NTAN1: variants seen among roughly 807,000 people sequenced by gnomAD.
NTAN1 encodes N-terminal asparagine amidase, also known as protein N-terminal asparagine amidohydrolase.
A neutral mutation model predicts 41.9 loss-of-function variants in NTAN1; 32 were observed. That is an observed-to-expected ratio of 0.76 (90% CI 0.58 to 1.03). The LOEUF is 1.03. Among genes scored for constraint, NTAN1 ranks in the 50% least tolerant of loss-of-function variants. NTAN1 has a pLI of 0.00. For missense variants in NTAN1, 377 were observed against 377.5 expected, an observed-to-expected ratio of 1.00 and a Z score of 0.01; for synonymous variants, 140 against 139.5, an observed-to-expected ratio of 1.00 and a Z score of -0.03.
chr16:15,053,698 G>A (rs997311384), intron 1 of NTAN1, among the ~76,000 whole-genome samples: 2 of 152,038 alleles, frequency 1.3e-5, no homozygotes, highest in African/African-American at 4.8e-5. Context: ...ATCACTTGAG[G>A]TCAGGAGTTC....
In NTAN1 at chr16:15,037,990, T is replaced by C. The variant is rs751960085; in HGVS notation, c.*41A>G. The C allele has an allele frequency of 2.7e-6, 4 of 1,507,274 alleles. No homozygotes were observed. The highest frequency in any genetic ancestry group is 3.7e-6 in the Non-Finnish European group (4 of 1,092,734). 93.4% of individuals were successfully genotyped at this position (1,507,274 alleles called of 1,614,324 possible). A position where few individuals can be genotyped will look rare whatever the true frequency, so the allele number is the denominator to read the frequency against. On this transcript the variant is annotated 3_prime_UTR_variant, in exon 10 of 10. Transcript: ENST00000287706. ...ATTCGTGCCAGCCCCACCAATGGTCTGTCAGGCCAAGAAGGTGCTTTCTTT... is the reference window on the plus strand; with the variant it reads ...ATTCGTGCCAGCCCCACCAATGGTCCGTCAGGCCAAGAAGGTGCTTTCTTT...
chr16:15,044,340 G>T lies in NTAN1; in HGVS notation c.427C>A (p.Leu143Ile). ...RQLSQKLTHQ[L>I]LSEFDRQEDD... The stretch of plus-strand genomic sequence containing the variant: ...AAAAAAAAAATGAACTTACTAAGAA[G>T]TTGATGAGTGAGTTTTTGTGACAAC... The change falls in exon 5 of 10, where the codon CTT (leucine) becomes ATT (isoleucine). Residue 143 changes from leucine (L) to isoleucine (I), a missense_variant. Leu to Ile is a conservative substitution (Grantham distance 5, BLOSUM62 2). Transcript: ENST00000287706. 1.2e-6 allele frequency: 2 copies of T among 1,604,678 alleles called. No individual in the cohort carries two copies. Among genetic ancestry groups the T allele is most frequent in the Non-Finnish European group, 1.7e-6 (2 of 1,171,612 alleles).
intron 4 of NTAN1, among the ~76,000 whole-genome samples, chr16:15,046,924 G>A (rs562178620): frequency 2.8e-4 from 42 of 151,956 alleles, no homozygotes; most frequent in African/African-American, 9.7e-4. Flanking sequence ...GCCCCCTAGC[G>A]GTCCCCACAT....
At chr16:15,051,478 TG>T (rs1283372846) in intron 1 of NTAN1, among the ~76,000 whole-genome samples, 2 of 149,982 alleles carry the variant, frequency 1.3e-5, no homozygotes. Context: ...CCCAAGGAGC[TG>T]GGAACTACAG....
chr16:15,054,140 A>C (rs1332007089), intron 1 of NTAN1, among the ~76,000 whole-genome samples: 2 of 152,276 alleles, frequency 1.3e-5, no homozygotes, highest in African/African-American at 4.8e-5. Context: ...GCCGCGCCCC[A>C]GGCGGCTTGC....
At chr16:15,053,394 C>T (rs1172692472) in intron 1 of NTAN1, among the ~76,000 whole-genome samples, 2 of 152,184 alleles carry the variant, frequency 1.3e-5, no homozygotes, top group African/African-American at 4.8e-5. Flanking sequence ...ACACAGGCTT[C>T]TAACTGTTGG....
At chr16:15,048,122 A>G in intron 1 of NTAN1, 23 bp from the exon 2 acceptor site, 2 of 1,488,982 alleles carry the variant, frequency 1.3e-6, no homozygotes, top group Non-Finnish European at 1.9e-6. Flanking sequence ...AAAAAAAATA[A>G]AATAGTGATG....
chr16:15,041,955 G>A (rs1026366013), intron 5 of NTAN1, among the ~76,000 whole-genome samples: 7 of 152,170 alleles, frequency 4.6e-5, no homozygotes, highest in Non-Finnish European at 8.8e-5. Flanking sequence ...AGAGTTTTGC[G>A]GGGACCCATG....
intron 1 of NTAN1, among the ~76,000 whole-genome samples, chr16:15,052,935 C>T (rs993379861): frequency 6.6e-6 from 1 of 152,102 alleles, no homozygotes; most frequent in African/African-American, 2.4e-5. Context: ...GACTGGTTAC[C>T]GAGTACCCAG....
In NTAN1 at chr16:15,038,218, C is replaced by A. The variant is rs764653350; in HGVS notation, c.754-8G>T. On this transcript the variant is annotated splice_region_variant and splice_polypyrimidine_tract_variant and intron_variant, in intron 9 of 9. Transcript: ENST00000287706. ...AGGCGAAGTGGAAAGATTCTGAAAA[C>A]ACAAGATGGTGGGCATTAGAGAAGC... 2 of 1,610,422 alleles carry A rather than the reference C, an allele frequency of 1.2e-6. No homozygotes were observed. Among genetic ancestry groups the A allele is most frequent in the South Asian group, 2.2e-5 (2 of 90,444 alleles).
At chr16:15,048,132 GTAAA>G (rs1028980212) in intron 1 of NTAN1, 33 bp from the exon 2 acceptor site, 1 of 1,426,528 alleles carries the variant, frequency 7.0e-7, no homozygotes, top group Non-Finnish European at 9.8e-7. Flanking sequence ...AAATAGTGAT[GTAAA>G]TTAGTGAGGA....
Position 15,038,597 on chromosome 16 carries a change from G to A in NTAN1, c.730C>T (p.Gln244Ter). The change falls in exon 9 of 10, where the codon CAA (glutamine) becomes TAA (stop). Residue 244 changes from glutamine to a stop codon, truncating the protein, a stop_gained. Transcript: ENST00000287706. LOFTEE classifies it high-confidence loss of function. The part of the protein sequence containing the change: ...PFPHVDFWLH[Q>*]DDKQILENLS... Reference sequence around the variant, plus strand: ...ACCTCTAGTATTTGCTTGTCATCTTGGTGCAACCAGAAATCCACATGTGGA... The same window carrying A: ...ACCTCTAGTATTTGCTTGTCATCTTAGTGCAACCAGAAATCCACATGTGGA... 1.3e-6 allele frequency: 2 copies of A among 1,598,056 alleles called. No homozygotes were observed. Among genetic ancestry groups the A allele is most frequent in the Non-Finnish European group, 1.7e-6 (2 of 1,165,744 alleles).
chr16:15,040,738 GC>G (rs1175034842), intron 7 of NTAN1, among the ~76,000 whole-genome samples: 1 of 152,164 alleles, frequency 6.6e-6, no homozygotes, highest in Non-Finnish European at 1.5e-5. Flanking sequence ...CAGGAGAAAA[GC>G]ACGCCGGGCC....
chr16:15,052,597 G>A (rs1280476895), intron 1 of NTAN1, among the ~76,000 whole-genome samples: 1 of 152,208 alleles, frequency 6.6e-6, no homozygotes, highest in Non-Finnish European at 1.5e-5. Flanking sequence ...CACTTTGGAG[G>A]CCGAGGCGAG....
intron 1 of NTAN1, among the ~76,000 whole-genome samples, chr16:15,051,275 C>T (rs1412296504): frequency 6.6e-6 from 1 of 152,226 alleles, no homozygotes; most frequent in Non-Finnish European, 1.5e-5. Context: ...ACAGCTCCTA[C>T]GATTTCCCAA....
intron 1 of NTAN1, among the ~76,000 whole-genome samples, chr16:15,048,727 G>A (rs191277955): frequency 9.3e-4 from 141 of 152,106 alleles, no homozygotes; most frequent in African/African-American, 2.5e-3. Context: ...AGGCTCAAGC[G>A]ATCCTACCAC....
intron 1 of NTAN1, among the ~76,000 whole-genome samples, chr16:15,049,804 G>A (rs2044227829): frequency 6.6e-6 from 1 of 152,200 alleles, no homozygotes. Flanking sequence ...CCAAGTCACA[G>A]CCACTAACTG....
At chr16:15,051,702 T>A (rs913700616) in intron 1 of NTAN1, among the ~76,000 whole-genome samples, 19 of 148,048 alleles carry the variant, frequency 1.3e-4, no homozygotes, top group African/African-American at 4.0e-4. Flanking sequence ...TTTTTAATTT[T>A]TTTTTTTTTT....
intron 8 of NTAN1, among the ~76,000 whole-genome samples, chr16:15,039,619 A>G (rs1003222663): frequency 1.4e-4 from 21 of 152,332 alleles, no homozygotes; most frequent in Middle Eastern, 3.4e-3. Flanking sequence ...TCCTGAGTGC[A>G]GAGGGGAGAA....
Sources: allele counts gnomAD v4.1 joint callset (sites outside exome capture counted in the v4.1 genomes callset), GRCh38; gene constraint gnomAD v4.1.1; transcripts MANE v1.5; gene names NCBI Gene and HGNC (gene_info 2026-07-23, HGNC 2026-07-21).